The following STOX1 variants were observed in gnomAD, a reference collection of about 807,000 sequenced individuals.
The protein encoded by STOX1 is storkhead box 1, also known as storkhead-box protein 1.
A neutral mutation model predicts 74.8 loss-of-function variants in STOX1; 57 were observed. The observed-to-expected ratio is 0.76, with a 90% CI of 0.62 to 0.95. The LOEUF (loss-of-function observed/expected upper bound fraction) is 0.95, where lower values mean the gene tolerates loss of function less well. Ranked by LOEUF, STOX1 falls within the 40% of genes least tolerant of loss-of-function variation. STOX1 has a pLI of 0.00. For synonymous variants in STOX1, 375 were observed against 401.3 expected (o/e 0.93, Z 0.78); for missense variants, 1,010 against 1,117.0 (o/e 0.90, Z 1.37).
intron 1 of STOX1, among the ~76,000 whole-genome samples, chr10:68,876,810 A>G (rs952539810): frequency 2.0e-5 from 3 of 152,226 alleles, no homozygotes; most frequent in African/African-American, 7.2e-5. Flanking sequence ...AGTTGAGGAC[A>G]GACCCAAAGG....
Position 68,886,363 on chromosome 10 carries a change from A to G in STOX1, c.2567A>G (p.Asp856Gly). 1 of 1,614,200 alleles carries G rather than the reference A, an allele frequency of 6.2e-7. No individual in the cohort carries two copies. The highest frequency in any genetic ancestry group is 8.5e-7 in the Non-Finnish European group (1 of 1,180,042). Reference sequence around the variant, plus strand: ...GCACCTGCTGATGAAAGAATCTTTGATTACTATAGCGCAAGAAAAGCCAGT... The same window carrying G: ...GCACCTGCTGATGAAAGAATCTTTGGTTACTATAGCGCAAGAAAAGCCAGT... ...ASAPADERIF[D>G]YYSARKASFE... Residue 856 changes from aspartate (D) to glycine (G), a missense_variant, in exon 3 of 4, where the codon GAT becomes GGT. By Grantham distance (94) the Asp-to-Gly change is moderately conservative. Coordinates refer to ENST00000298596, the MANE Select transcript of STOX1 (RefSeq NM_152709.5).
At chr10:68,855,540 G>C (rs1840100534) in intron 1 of STOX1, among the ~76,000 whole-genome samples, 1 of 151,986 alleles carries the variant, frequency 6.6e-6, no homozygotes, top group Non-Finnish European at 1.5e-5. Flanking sequence ...CCCAGCTTAA[G>C]CGATCCTCCC....
At chr10:68,847,070 G>A (rs893183473) in intron 1 of STOX1, among the ~76,000 whole-genome samples, 2 of 152,088 alleles carry the variant, frequency 1.3e-5, no homozygotes, top group African/African-American at 2.4e-5. Flanking sequence ...GAGTTCCTGA[G>A]TCTTTGAACA....
At position 68,886,278 on chromosome 10, in the gene STOX1, G is replaced by C. The variant is rs759461092; in HGVS notation, c.2482G>C (p.Ala828Pro). 1.2e-6 allele frequency: 2 copies of C among 1,614,024 alleles called. No homozygotes were observed. The highest frequency in any genetic ancestry group is 1.7e-6 in the Non-Finnish European group (2 of 1,180,030). The change falls in exon 3 of 4, where the codon GCC becomes CCC. Residue 828 changes from alanine to proline, a missense_variant. Coordinates refer to ENST00000298596, the MANE Select transcript of STOX1 (RefSeq NM_152709.5). ...SAESCGLNSG[A>P]QFGFNYEEEP... ...TGAAAGTTGTGGCCTAAATTCAGGG[G>C]CCCAGTTTGGTTTTAACTACGAAGA...
In STOX1 at chr10:68,882,088, G is replaced by A; in HGVS notation, c.441G>A (p.Glu147=). ...QIVVTQESLL[E]RLMKHYPGIA... is the part of the protein sequence containing the mutation. Reference sequence around the variant, plus strand: ...TAGTAACGCAGGAATCACTTTTGGAGCGTTTGATGAAACATTACCCAGGTA... The same window carrying A: ...TAGTAACGCAGGAATCACTTTTGGAACGTTTGATGAAACATTACCCAGGTA... The change falls in exon 2 of 4, where the codon GAG becomes GAA. Residue 147 remains glutamate, a synonymous_variant. Coordinates refer to ENST00000298596, the MANE Select transcript of STOX1 (RefSeq NM_152709.5). The A allele has an allele frequency of 6.2e-7, 1 of 1,613,844 alleles. No homozygotes were observed. Among genetic ancestry groups the A allele is most frequent in the East Asian group, 2.2e-5 (1 of 44,802 alleles).
At chr10:68,833,515 G>A (rs1839464418) in intron 1 of STOX1, among the ~76,000 whole-genome samples, 1 of 152,104 alleles carries the variant, frequency 6.6e-6, no homozygotes, top group Admixed American at 6.6e-5. Context: ...ACTCTAAGAG[G>A]GTCCATGTGA....
chr10:68,850,249 C>T (rs1045968687), intron 1 of STOX1, among the ~76,000 whole-genome samples: 5 of 152,340 alleles, frequency 3.3e-5, no homozygotes, highest in African/African-American at 1.2e-4. Context: ...ACCTCATGAT[C>T]TGCCTGCCTC....
chr10:68,863,425 A>G (rs1359097790), intron 1 of STOX1, among the ~76,000 whole-genome samples: 2 of 151,976 alleles, frequency 1.3e-5, no homozygotes, highest in African/African-American at 4.8e-5. Flanking sequence ...CAGATACCCA[A>G]AAGGAAAAAA....
rs1000142876 is a variant in STOX1, at chr10:68,867,090, G to A, written c.311-14868G>A. ...CTCCCGAGTAGCTGGGACTACAGGC[G>A]CCCGCCACCACGCCCAGCTATTTTT... is the stretch of plus-strand genomic sequence containing the variant. On this transcript the variant is annotated intron_variant, in intron 1 of 3. Transcript: ENST00000298596. 1.3e-4 allele frequency among the ~76,000 whole-genome samples: 19 copies of A among 151,860 alleles called. No homozygotes were observed. The East Asian group carries it at 1.6e-3, about 12-fold the overall frequency.
In STOX1 at chr10:68,892,956, T is replaced by C. The variant is rs961119206; in HGVS notation, c.*220T>C. 1.1e-5 allele frequency: 5 copies of C among 464,420 alleles called. No homozygotes were observed. Among genetic ancestry groups the C allele is most frequent in the East Asian group, 3.7e-5 (1 of 26,988 alleles). 28.8% of individuals were successfully genotyped at this position (464,420 alleles called of 1,614,324 possible). A position where few individuals can be genotyped will look rare whatever the true frequency, so the allele number is the denominator to read the frequency against. ...TTTTACTGTGAGTTTATTGGGAGTA[T>C]ATAGATTATTTTCGATTAAAAAGTG... is the stretch of plus-strand genomic sequence containing the variant. On this transcript the variant is annotated 3_prime_UTR_variant, in exon 4 of 4. Transcript: ENST00000298596.
At chr10:68,842,592 G>A (rs1839721085) in intron 1 of STOX1, among the ~76,000 whole-genome samples, 1 of 131,640 alleles carries the variant, frequency 7.6e-6, no homozygotes, top group African/African-American at 2.9e-5. Context: ...CCAGGCTGGA[G>A]TCCAGTGGCA....
chr10:68,848,300 A>G (rs1204850393), intron 1 of STOX1, among the ~76,000 whole-genome samples: 1 of 152,164 alleles, frequency 6.6e-6, no homozygotes, highest in Non-Finnish European at 1.5e-5. Flanking sequence ...GAAGATGCTA[A>G]TTCCACCCAG....
chr10:68,844,860 T>C (rs545980364), intron 1 of STOX1, among the ~76,000 whole-genome samples: 1 of 151,252 alleles, frequency 6.6e-6, no homozygotes, highest in Non-Finnish European at 1.5e-5. Flanking sequence ...CCTCCCACTT[T>C]CAATTGATTC....
At chr10:68,889,552 G>A (rs1031791049) in intron 3 of STOX1, among the ~76,000 whole-genome samples, 9 of 152,082 alleles carry the variant, frequency 5.9e-5, no homozygotes, top group Non-Finnish European at 1.3e-4. Flanking sequence ...TGTAGCTTAA[G>A]CTTGGTGTTT....
chr10:68,890,825 ATT>A (rs761264867), intron 3 of STOX1, among the ~76,000 whole-genome samples: 1 of 150,902 alleles, frequency 6.6e-6, no homozygotes, highest in Non-Finnish European at 1.5e-5. Flanking sequence ...TAATTTTTGT[ATT>A]TTTAGTAGAG....
chr10:68,883,182 C>T (rs1840851646), intron 2 of STOX1, among the ~76,000 whole-genome samples: 1 of 150,178 alleles, frequency 6.7e-6, no homozygotes, highest in African/African-American at 2.5e-5. Flanking sequence ...TTGACAACAT[C>T]CTGGCCAATA....
chr10:68,880,681 G>GT (rs1391909932), intron 1 of STOX1, among the ~76,000 whole-genome samples: 4 of 148,222 alleles, frequency 2.7e-5, no homozygotes, highest in South Asian at 2.1e-4. Context: ...TTTGTTTTTT[G>GT]TTTTTTTTGA....
intron 1 of STOX1, among the ~76,000 whole-genome samples, chr10:68,837,202 T>C (rs1839578204): frequency 6.6e-6 from 1 of 152,236 alleles, no homozygotes. Context: ...AAGAATCCCA[T>C]GCATATGTGT....
chr10:68,892,816 GTA>G lies in STOX1; in HGVS notation c.*85_*86del. 1.4e-6 allele frequency: 2 copies of G among 1,458,794 alleles called. No individual in the cohort carries two copies. The highest frequency in any genetic ancestry group is 1.9e-6 in the Non-Finnish European group (2 of 1,052,676). The allele number at this position is 1,458,794 out of a possible 1,614,324, so 90.4% of individuals were successfully genotyped here. On this transcript the variant is annotated 3_prime_UTR_variant, in exon 4 of 4. Coordinates refer to ENST00000298596, the MANE Select transcript of STOX1 (RefSeq NM_152709.5). ...AATCTTTCAATCATGTAAGAATTGA[GTA>G]TATAAGAATTGTCTAAAGGCAAGCA... is the stretch of plus-strand genomic sequence containing the variant.
Sources: gnomAD v4.1 joint callset for allele counts (sites outside exome capture counted in the v4.1 genomes callset) on GRCh38, gnomAD v4.1.1 for gene constraint, MANE v1.5 for transcripts, NCBI Gene and HGNC (gene_info 2026-07-23, HGNC 2026-07-21) for gene names.